The following DNAH9 variants were observed in gnomAD, a reference collection of about 807,000 sequenced individuals.
DNAH9 encodes DNAH9 variant protein.
A neutral mutation model predicts 471.6 loss-of-function variants in DNAH9; 345 were observed. That is an observed-to-expected ratio of 0.73 (90% CI 0.67 to 0.80). The LOEUF is 0.80. Among genes scored for constraint, DNAH9 ranks in the 30% least tolerant of loss-of-function variants. DNAH9 has a pLI of 0.00. For synonymous variants in DNAH9, 2,093 were observed against 2,123.6 expected (o/e 0.99, Z 0.40); for missense variants, 5,407 against 5,609.2 (o/e 0.96, Z 1.15).
intron 45 of DNAH9, among the ~76,000 whole-genome samples, chr17:11,813,099 T>G (rs1021593358): frequency 6.6e-6 from 1 of 152,164 alleles, no homozygotes; most frequent in Non-Finnish European, 1.5e-5. Context: ...AATTAAGTAT[T>G]GATAATTTTT....
intron 26 of DNAH9, among the ~76,000 whole-genome samples, chr17:11,707,020 A>T (rs1419287560): frequency 1.3e-5 from 2 of 152,254 alleles, no homozygotes; most frequent in African/African-American, 4.8e-5. Flanking sequence ...TCTGTACTTT[A>T]TGAAGATTCA....
At chr17:11,881,561 C>T in intron 55 of DNAH9, 148 bp downstream of exon 55, 1 of 732,146 alleles carries the variant, frequency 1.4e-6, no homozygotes, top group Admixed American at 3.0e-5. Flanking sequence ...ATGTAGCAAC[C>T]TGGGAATACC....
rs78414739 is a variant in DNAH9 at position 11,820,637 on chromosome 17, A to G, written c.8708-1283A>G. Among the ~76,000 whole-genome samples the G allele has an allele frequency of 5.5e-3, 836 of 152,138 alleles. 10 individuals carry two copies. The highest frequency in any genetic ancestry group is 0.019 in the African/African-American group (808 of 41,528). Reference sequence around the variant, plus strand: ...CTCCTTCACCCCATCTATCTATTGAATTATTGATTTTTTTCTTTATTTGTA... The same window carrying G: ...CTCCTTCACCCCATCTATCTATTGAGTTATTGATTTTTTTCTTTATTTGTA... On this transcript the variant is annotated intron_variant, in intron 45 of 68. Transcript: ENST00000262442.
chr17:11,924,137 C>T (rs924160703), intron 62 of DNAH9, among the ~76,000 whole-genome samples, 196 bp downstream of exon 62: 12 of 152,266 alleles, frequency 7.9e-5, no homozygotes, highest in Admixed American at 5.2e-4. Flanking sequence ...CAGGAACAAT[C>T]CTTCTCCCCT....
intron 28 of DNAH9, among the ~76,000 whole-genome samples, chr17:11,731,047 A>G (rs2075256305): frequency 8.6e-6 from 1 of 116,358 alleles, no homozygotes; most frequent in Admixed American, 7.9e-5. Flanking sequence ...GTCAGTGATG[A>G]TGGTGATGGT....
chr17:11,801,182 C>T (rs1313940295), intron 43 of DNAH9, among the ~76,000 whole-genome samples: 1 of 152,238 alleles, frequency 6.6e-6, no homozygotes, highest in Non-Finnish European at 1.5e-5. Flanking sequence ...CCTAAGGTCA[C>T]ACTCCTCATA....
At position 11,784,403 on chromosome 17, in the gene DNAH9, C is replaced by A. The variant is rs750150972; in HGVS notation, c.7925C>A (p.Ala2642Glu). Residue 2642 changes from alanine to glutamate, a missense_variant, in exon 41 of 69, where the codon GCG becomes GAG. Physicochemically the swap from Ala to Glu is moderately radical, Grantham distance 107. This residue lies in a region of DNAH9 where 4,636 missense variants were observed against 4,900.3 expected (regional missense o/e 0.95). Coordinates refer to ENST00000262442, the MANE Select transcript of DNAH9 (RefSeq NM_001372.4). Reference protein sequence around the residue: ...TQHLKLGNFPASLQKSIPPLI... With the variant: ...TQHLKLGNFPESLQKSIPPLI... The stretch of plus-strand genomic sequence containing the variant: ...CATCTGAAGCTCGGAAACTTCCCGG[C>A]GTCCCTGCAGAAATCCATCCCCCCA... 1 of 1,614,160 alleles carries A rather than the reference C, an allele frequency of 6.2e-7. No homozygotes were observed. Among genetic ancestry groups the A allele is most frequent in the Non-Finnish European group, 8.5e-7 (1 of 1,180,034 alleles).
At position 11,710,058 on chromosome 17, in the gene DNAH9, C is replaced by T. The variant is rs189834164; in HGVS notation, c.5552+4873C>T. Among the ~76,000 whole-genome samples, 90 of 152,100 alleles carry T rather than the reference C, an allele frequency of 5.9e-4. 1 individual carries two copies. In the East Asian group the frequency reaches 0.014, roughly 24 times the overall value. On this transcript the variant is annotated intron_variant, in intron 26 of 68. Coordinates refer to ENST00000262442, the MANE Select transcript of DNAH9 (RefSeq NM_001372.4). Reference sequence around the variant, plus strand: ...CTGTACAAAAGAAAATAAAAGTCACCCATAGATAGCCATTGTTAATATGTA... The same window carrying T: ...CTGTACAAAAGAAAATAAAAGTCACTCATAGATAGCCATTGTTAATATGTA...
At chr17:11,802,309 A>G (rs1221230438) in intron 43 of DNAH9, among the ~76,000 whole-genome samples, 4 of 152,146 alleles carry the variant, frequency 2.6e-5, no homozygotes, top group African/African-American at 9.7e-5. Flanking sequence ...ACAGCACTCC[A>G]GAAAGGTACC....
chr17:11,818,885 C>CTATTACTAT (rs1555602685), intron 45 of DNAH9, among the ~76,000 whole-genome samples: 1 of 147,186 alleles, frequency 6.8e-6, no homozygotes, highest in African/African-American at 2.5e-5. Context: ...TCCATTATTA[C>CTATTACTAT]TATTATTATT....
Position 11,930,027 on chromosome 17 carries a change from G to T in DNAH9, c.12039G>T (p.Lys4013Asn), listed in dbSNP as rs1974454501. ...AGGGCATCCTGGAGAACTCCATTAA[G>T]ATCACCAATGAGCCCCCCACGGGCA... ...IPQGILENSI[K>N]ITNEPPTGMH... The change falls in exon 63 of 69, where the codon AAG (lysine) becomes AAT (asparagine). Residue 4013 changes from lysine (K) to asparagine (N), a missense_variant. This residue lies in a region of DNAH9 where 4,636 missense variants were observed against 4,900.3 expected (regional missense o/e 0.95). Transcript: ENST00000262442. 6.2e-7 allele frequency: 1 copy of T among 1,613,990 alleles called. No individual in the cohort carries two copies. Among genetic ancestry groups the T allele is most frequent in the Admixed American group, 1.7e-5 (1 of 59,992 alleles).
At chr17:11,830,283 C>T (rs1970641998) in intron 48 of DNAH9, among the ~76,000 whole-genome samples, 1 of 152,190 alleles carries the variant, frequency 6.6e-6, no homozygotes, top group Admixed American at 6.5e-5. Context: ...TGCCACTGTC[C>T]TCCCAGCACC....
chr17:11,697,854 TC>T (rs1443400466), intron 22 of DNAH9, among the ~76,000 whole-genome samples: 5 of 151,910 alleles, frequency 3.3e-5, no homozygotes, highest in Non-Finnish European at 5.9e-5. Context: ...ATTGTTAGTC[TC>T]CTTACTTTAT....
chr17:11,847,138 T>C (rs1971255417), intron 49 of DNAH9, among the ~76,000 whole-genome samples: 1 of 152,180 alleles, frequency 6.6e-6, no homozygotes, highest in Admixed American at 6.5e-5. Context: ...CTTGCAAAAA[T>C]TTTCTCCTAT....
At position 11,961,860 on chromosome 17, in the gene DNAH9, T is replaced by A. The variant is rs1976215346; in HGVS notation, c.12844-7T>A. 1.3e-6 allele frequency: 2 copies of A among 1,588,152 alleles called. No individual in the cohort carries two copies. The highest frequency in any genetic ancestry group is 2.7e-5 in the African/African-American group (2 of 74,274). On this transcript the variant is annotated splice_region_variant and splice_polypyrimidine_tract_variant and intron_variant, in intron 67 of 68. Transcript: ENST00000262442. ...CACGCTTTCCCCCTCCCATTCTTTATCTTCAGGGGGAGCTGACTATGACCA... is the reference window on the plus strand; with the variant it reads ...CACGCTTTCCCCCTCCCATTCTTTAACTTCAGGGGGAGCTGACTATGACCA...
Position 11,680,759 on chromosome 17 carries a change from G to T in DNAH9, c.3613G>T (p.Ala1205Ser), listed in dbSNP as rs1466631699. The T allele has an allele frequency of 1.2e-6, 2 of 1,614,004 alleles. No individual in the cohort carries two copies. The highest frequency in any genetic ancestry group is 3.3e-4 in the Middle Eastern group (2 of 6,058). The change falls in exon 19 of 69, where the codon GCC becomes TCC. Residue 1205 changes from alanine (A) to serine (S), a missense_variant. By Grantham distance (99) the Ala-to-Ser change is moderately conservative. Transcript: ENST00000262442. Reference protein sequence around the residue: ...PEKWNNIKKVAITVKQQVAPL... With the variant: ...PEKWNNIKKVSITVKQQVAPL... ...GAAATGGAACAACATAAAAAAGGTGGCCATTACTGTGAAGCAGCAGGTGGC... is the reference window on the plus strand; with the variant it reads ...GAAATGGAACAACATAAAAAAGGTGTCCATTACTGTGAAGCAGCAGGTGGC...
intron 41 of DNAH9, among the ~76,000 whole-genome samples, chr17:11,791,921 C>T (rs932460423): frequency 1.3e-5 from 2 of 152,006 alleles, no homozygotes; most frequent in Non-Finnish European, 2.9e-5. Context: ...GAAAAGTTTG[C>T]AGGATCAGAA....
chr17:11,735,562 A>T (rs199723420), intron 28 of DNAH9, among the ~76,000 whole-genome samples: 1 of 151,984 alleles, frequency 6.6e-6, no homozygotes, highest in African/African-American at 2.4e-5. Flanking sequence ...CCGCCTCCCA[A>T]GTAGCTGAGA....
chr17:11,679,492 C>A (rs1191149034), intron 17 of DNAH9, among the ~76,000 whole-genome samples: 1 of 152,230 alleles, frequency 6.6e-6, no homozygotes, highest in African/African-American at 2.4e-5. Context: ...ATCCAAATCA[C>A]ACATTACATT....
Sources: gnomAD v4.1 joint callset for allele counts (sites outside exome capture counted in the v4.1 genomes callset) on GRCh38, gnomAD v4.1.1 for gene constraint, gnomAD v4.1.1 regional missense constraint, MANE v1.5 for transcripts, NCBI Gene and HGNC (gene_info 2026-07-23, HGNC 2026-07-21) for gene names.